The following RAD18 variants were observed in gnomAD, a reference collection of about 807,000 sequenced individuals.
RAD18 encodes the protein RAD18 E3 ubiquitin protein ligase.
Under a neutral mutation model 60.4 loss-of-function variants are expected in RAD18, and 47 were observed. That is an observed-to-expected ratio of 0.78 (90% CI 0.62 to 0.99). RAD18 has a LOEUF of 0.99. Among genes scored for constraint, RAD18 ranks in the 50% least tolerant of loss-of-function variants. The pLI, the probability that RAD18 is intolerant of heterozygous loss-of-function variation, is 0.00. For missense variants in RAD18, 640 were observed against 593.3 expected, an observed-to-expected ratio of 1.08 and a Z score of -0.82; for synonymous variants, 225 against 195.5, an observed-to-expected ratio of 1.15 and a Z score of -1.26.
chr3:8,889,625 G>A (rs955322809), intron 12 of RAD18, among the ~76,000 whole-genome samples: 1 of 152,150 alleles, frequency 6.6e-6, no homozygotes, highest in African/African-American at 2.4e-5. Context: ...AAGTTCAAAG[G>A]CTCTGTGGTG....
intron 5 of RAD18, among the ~76,000 whole-genome samples, chr3:8,940,324 G>T (rs548133573): frequency 3.5e-4 from 54 of 152,118 alleles, no homozygotes; most frequent in African/African-American, 1.2e-3. Context: ...ATGGTTTATC[G>T]TAAAATTTCA....
At chr3:8,921,440 C>G (rs144576421) in intron 7 of RAD18, among the ~76,000 whole-genome samples, 2 of 152,086 alleles carry the variant, frequency 1.3e-5, no homozygotes, top group Non-Finnish European at 2.9e-5. Flanking sequence ...TCTCTTGAGG[C>G]TAGGAGTTCA....
intron 1 of RAD18, 23 bp from the exon 2 acceptor site, chr3:8,959,024 T>C: frequency 6.3e-7 from 1 of 1,592,220 alleles, no homozygotes; most frequent in Non-Finnish European, 8.6e-7. Context: ...TATGCATATA[T>C]ACATATCAGA....
At chr3:8,941,190 G>A (rs1031227538) in intron 5 of RAD18, among the ~76,000 whole-genome samples, 1 of 152,176 alleles carries the variant, frequency 6.6e-6, no homozygotes, top group African/African-American at 2.4e-5. Context: ...TGTTGAATGA[G>A]GGGAAGAAAG....
intron 7 of RAD18, among the ~76,000 whole-genome samples, chr3:8,922,135 G>A (rs1395309441): frequency 2.6e-5 from 4 of 152,208 alleles, no homozygotes; most frequent in Non-Finnish European, 5.9e-5. Context: ...GAAGCAGGGC[G>A]AGGCATCGCC....
chr3:8,899,377 C>A (rs529249192), intron 10 of RAD18, among the ~76,000 whole-genome samples: 5 of 152,154 alleles, frequency 3.3e-5, no homozygotes, highest in Non-Finnish European at 7.4e-5. Flanking sequence ...TCAGAGAACA[C>A]TGACAAACCA....
At chr3:8,907,640 G>T (rs1034102460) in intron 9 of RAD18, among the ~76,000 whole-genome samples, 1 of 152,192 alleles carries the variant, frequency 6.6e-6, no homozygotes, top group African/African-American at 2.4e-5. Flanking sequence ...GATACAAGCA[G>T]CTGAGCATCA....
intron 4 of RAD18, among the ~76,000 whole-genome samples, chr3:8,943,891 T>G (rs1251884554): frequency 6.6e-6 from 1 of 152,088 alleles, no homozygotes; most frequent in Non-Finnish European, 1.5e-5. Context: ...AAACCACCAC[T>G]CTAAGCTTCC....
intron 7 of RAD18, among the ~76,000 whole-genome samples, chr3:8,932,897 A>C (rs1268398145): frequency 6.6e-6 from 1 of 152,138 alleles, no homozygotes; most frequent in East Asian, 1.9e-4. Context: ...GGAATTCAAG[A>C]CTAGCCTGGC....
intron 9 of RAD18, among the ~76,000 whole-genome samples, chr3:8,910,851 G>C: frequency 6.6e-6 from 1 of 152,066 alleles, no homozygotes; most frequent in East Asian, 1.9e-4. Context: ...AGAAGTAGCA[G>C]AAAAAATACT....
chr3:8,927,706 T>C (rs1490808226), intron 7 of RAD18, among the ~76,000 whole-genome samples: 1 of 152,196 alleles, frequency 6.6e-6, no homozygotes, highest in Non-Finnish European at 1.5e-5. Context: ...GTGGCACGTA[T>C]ATACCATGGA....
chr3:8,923,202 T>A (rs902613532), intron 7 of RAD18, among the ~76,000 whole-genome samples: 2 of 152,060 alleles, frequency 1.3e-5, no homozygotes, highest in African/African-American at 4.8e-5. Context: ...GAATAACCAA[T>A]GCAGAGAAGT....
intron 11 of RAD18, among the ~76,000 whole-genome samples, chr3:8,892,316 C>T (rs1939705527): frequency 6.6e-6 from 1 of 152,138 alleles, no homozygotes; most frequent in South Asian, 2.1e-4. Context: ...TACAGCTCCC[C>T]TATGGAAGGG....
At chr3:8,906,790 A>G (rs1222426297) in intron 9 of RAD18, among the ~76,000 whole-genome samples, 2 of 82,048 alleles carry the variant, frequency 2.4e-5, no homozygotes, top group Non-Finnish European at 2.7e-5. Context: ...GAGAGGGGGA[A>G]ACAGTTTTTT....
chr3:8,884,700 T>G (rs1343124472), intron 12 of RAD18, among the ~76,000 whole-genome samples: 2 of 152,230 alleles, frequency 1.3e-5, no homozygotes, highest in African/African-American at 4.8e-5. Context: ...ATTGAGGTAG[T>G]GCAAGAAGTC....
chr3:8,944,676 A>G (rs1305379261), intron 4 of RAD18, among the ~76,000 whole-genome samples: 5 of 150,914 alleles, frequency 3.3e-5, no homozygotes, highest in African/African-American at 9.8e-5. Flanking sequence ...GGGAGGGAGG[A>G]AGGAAGGAAG....
At chr3:8,890,279 A>AC (rs1311924304) in intron 12 of RAD18, 110 bp downstream of exon 12, 4 of 823,498 alleles carry the variant, frequency 4.9e-6, no homozygotes, top group Non-Finnish European at 8.0e-6. Context: ...GAGGATTACT[A>AC]CTTCTTTAAA....
At chr3:8,897,963 T>C (rs566548652) in intron 11 of RAD18, among the ~76,000 whole-genome samples, 83 of 151,404 alleles carry the variant, frequency 5.5e-4, no homozygotes, top group Non-Finnish European at 9.6e-4. Flanking sequence ...TCCCAGCCAC[T>C]TGGGAAGCTG....
At chr3:8,930,571 T>C (rs966338592) in intron 7 of RAD18, among the ~76,000 whole-genome samples, 5 of 152,208 alleles carry the variant, frequency 3.3e-5, no homozygotes, top group East Asian at 1.9e-4. Context: ...ATATGAATTA[T>C]ATTTCAATAA....
Sources: gnomAD v4.1 joint callset for allele counts (sites outside exome capture counted in the v4.1 genomes callset) on GRCh38, gnomAD v4.1.1 for gene constraint, MANE v1.5 for transcripts, NCBI Gene and HGNC (gene_info 2026-07-23, HGNC 2026-07-21) for gene names.